NAV2: variants seen among roughly 807,000 people sequenced by gnomAD.
NAV2 encodes the protein helicase, APC down-regulated 1.
A neutral mutation model predicts 223.2 loss-of-function variants in NAV2; 54 were observed. The observed-to-expected ratio is 0.24, with a 90% CI of 0.19 to 0.30. NAV2 has a LOEUF of 0.30. Ranked by LOEUF, NAV2 falls within the 10% of genes least tolerant of loss-of-function variation. The pLI is 1.00. For synonymous variants in NAV2, 1,279 were observed against 1,239.3 expected, an observed-to-expected ratio of 1.03 and a Z score of -0.67; for missense variants, 2,806 against 3,147.5, an observed-to-expected ratio of 0.89 and a Z score of 2.60.
chr11:19,616,107 G>A (rs2046780696), intron 1 of NAV2, among the ~76,000 whole-genome samples: 2 of 152,046 alleles, frequency 1.3e-5, no homozygotes, highest in African/African-American at 2.4e-5. Context: ...AAACATTCAC[G>A]GGGTTTTTTT....
intron 1 of NAV2, chr11:19,503,408 T>C (rs943758523): frequency 2.0e-5 from 3 of 152,220 alleles, no homozygotes; most frequent in African/African-American, 4.8e-5. Context: ...TATGGTATCA[T>C]ACACAGTAGT....
chr11:19,691,347 C>T (rs1697872666), intron 1 of NAV2, among the ~76,000 whole-genome samples: 1 of 152,074 alleles, frequency 6.6e-6, no homozygotes, highest in Admixed American at 6.5e-5. Flanking sequence ...ATAATGAATA[C>T]AAAAATTATT....
intron 25 of NAV2, chr11:20,082,630 C>T: frequency 6.2e-7 from 1 of 1,605,288 alleles, no homozygotes; most frequent in Non-Finnish European, 8.5e-7. Flanking sequence ...ATATCAGATA[C>T]CAAGCTAACC....
chr11:19,467,232 A>G (rs1489123841), intron 1 of NAV2, among the ~76,000 whole-genome samples: 1 of 152,160 alleles, frequency 6.6e-6, no homozygotes, highest in East Asian at 1.9e-4. Flanking sequence ...ATTTTTAGAA[A>G]AGCCATAACT....
At chr11:19,494,901 C>T (rs2042745926) in intron 1 of NAV2, among the ~76,000 whole-genome samples, 1 of 152,212 alleles carries the variant, frequency 6.6e-6, no homozygotes, top group African/African-American at 2.4e-5. Flanking sequence ...TGTTGTGGTG[C>T]TGCAGGCTTC....
At chr11:20,088,977 C>T (rs993532991) in intron 26 of NAV2, among the ~76,000 whole-genome samples, 1 of 151,140 alleles carries the variant, frequency 6.6e-6, no homozygotes, top group Non-Finnish European at 1.5e-5. Context: ...CCAGTTTTTG[C>T]AAGCTCCTCC....
chr11:19,953,989 T>A (rs2047616603), intron 10 of NAV2, among the ~76,000 whole-genome samples: 1 of 152,230 alleles, frequency 6.6e-6, no homozygotes, highest in Non-Finnish European at 1.5e-5. Flanking sequence ...GAATGGTCTA[T>A]TCTTGATGCC....
intron 1 of NAV2, among the ~76,000 whole-genome samples, chr11:19,369,238 T>G (rs1848390895): frequency 6.6e-6 from 1 of 152,218 alleles, no homozygotes; most frequent in Non-Finnish European, 1.5e-5. Flanking sequence ...ATGTCTATAT[T>G]CTTTAGGGAG....
intron 1 of NAV2, among the ~76,000 whole-genome samples, chr11:19,699,130 A>C (rs2049434068): frequency 6.6e-6 from 1 of 152,244 alleles, no homozygotes; most frequent in Non-Finnish European, 1.5e-5. Flanking sequence ...CAAGAAGCAC[A>C]GTCAGGAATT....
At position 19,984,160 on chromosome 11, in the gene NAV2, G is replaced by A. The variant is rs745761556; in HGVS notation, c.2681G>A (p.Arg894His). The A allele has an allele frequency of 2.1e-5, 34 of 1,614,104 alleles. No homozygotes were observed. The Admixed American group carries it at 2.2e-4, about 10-fold the overall frequency. ...MTDGGLGLYT[R>H]RLNRLPDGMA... ...GATGGTGGACTTGGCCTCTATACCC[G>A]TCGCCTGAACCGGCTCCCTGATGGG... Residue 894 changes from arginine to histidine, a missense_variant, in exon 11 of 38, where the codon CGT becomes CAT. Around this residue, in one of 4 missense-constraint regions of NAV2, gnomAD observed 1,167 missense variants for 1,180.5 expected, o/e 0.99. Coordinates refer to ENST00000349880, the MANE Select transcript of NAV2 (RefSeq NM_145117.5).
intron 1 of NAV2, among the ~76,000 whole-genome samples, chr11:19,727,196 G>A (rs757398300): frequency 2.6e-4 from 40 of 152,326 alleles, no homozygotes; most frequent in Middle Eastern, 3.4e-3. Context: ...GAGTGCAGCA[G>A]TAATTAGAGG....
chr11:19,529,694 T>C (rs2043962992), intron 1 of NAV2, among the ~76,000 whole-genome samples: 1 of 152,128 alleles, frequency 6.6e-6, no homozygotes, highest in South Asian at 2.1e-4. Flanking sequence ...TGGTGGCTGA[T>C]GTGGGGTGGA....
intron 1 of NAV2, among the ~76,000 whole-genome samples, chr11:19,409,251 T>A (rs749071867): frequency 1.5e-4 from 23 of 152,192 alleles, no homozygotes; most frequent in Non-Finnish European, 2.5e-4. Context: ...AAAGAGAAAG[T>A]AAGAAAGAAA....
At chr11:19,957,188 T>C (rs989862881) in intron 10 of NAV2, among the ~76,000 whole-genome samples, 3 of 152,126 alleles carry the variant, frequency 2.0e-5, no homozygotes, top group African/African-American at 7.2e-5. Flanking sequence ...AGTAGCCCAA[T>C]AGGTTGGTGA....
intron 1 of NAV2, among the ~76,000 whole-genome samples, chr11:19,406,301 C>T (rs1198456983): frequency 6.6e-6 from 1 of 152,122 alleles, no homozygotes; most frequent in Admixed American, 6.5e-5. Context: ...TTTTTTCTGA[C>T]CCACAGTTTC....
chr11:19,350,064 A>G (rs1853220575), upstream of NAV2, among the ~76,000 whole-genome samples: 1 of 137,162 alleles, frequency 7.3e-6, no homozygotes. Context: ...CTGTCTCTTC[A>G]TACTATCGTG....
intron 24 of NAV2, among the ~76,000 whole-genome samples, chr11:20,078,616 G>C (rs1257716155): frequency 6.6e-6 from 1 of 152,126 alleles, no homozygotes; most frequent in Non-Finnish European, 1.5e-5. Flanking sequence ...GTGCCAGCAT[G>C]CCTGGCTAAT....
chr11:19,932,819 G>A (rs1023282872), intron 6 of NAV2, among the ~76,000 whole-genome samples: 3 of 152,018 alleles, frequency 2.0e-5, no homozygotes, highest in Admixed American at 6.6e-5. Context: ...TCCCATAATT[G>A]GGAAACAGGC....
At chr11:19,702,694 C>T (rs1270842536) in intron 1 of NAV2, among the ~76,000 whole-genome samples, 3 of 151,874 alleles carry the variant, frequency 2.0e-5, no homozygotes, top group Non-Finnish European at 4.4e-5. Flanking sequence ...AGGAGAATTG[C>T]TTGAGTCCGG....
Sources: allele counts gnomAD v4.1 joint callset (sites outside exome capture counted in the v4.1 genomes callset), GRCh38; gene constraint gnomAD v4.1.1; regional missense constraint gnomAD v4.1.1; transcripts MANE v1.5; gene names NCBI Gene and HGNC (gene_info 2026-07-23, HGNC 2026-07-21).